Variants in HRH1 observed in about 807,000 individuals in gnomAD.
The protein encoded by HRH1 is histamine receptor H1, also known as histamine H1 receptor.
In HRH1, 6 loss-of-function variants were observed where a neutral mutation model predicts 10.3. The ratio of observed to expected loss-of-function variants is 0.58; its 90% CI spans 0.32 to 1.15. HRH1 has a LOEUF of 1.15. Among genes scored for constraint, HRH1 ranks in the 50% most tolerant of loss-of-function variants. The probability of loss-of-function intolerance (pLI) is 0.05; values close to 1 mark genes in which losing one functional copy is unlikely to be tolerated. For missense variants in HRH1, 514 were observed against 615.3 expected (o/e 0.84, Z 1.74); for synonymous variants, 242 against 236.7 (o/e 1.02, Z -0.21).
intron 1 of HRH1, among the ~76,000 whole-genome samples, chr3:11,232,062 G>T (rs1411972987): frequency 9.9e-5 from 15 of 151,356 alleles, no homozygotes; most frequent in Admixed American, 9.2e-4. Context: ...TGCAATCTTG[G>T]CTCACTGCAA....
chr3:11,172,795 A>G (rs992706041), intron 1 of HRH1, among the ~76,000 whole-genome samples: 1 of 143,872 alleles, frequency 7.0e-6, no homozygotes, highest in African/African-American at 2.7e-5. Context: ...TCCGCCTCCC[A>G]GGTTCACGCC....
At chr3:11,222,451 C>T (rs572547726) in intron 1 of HRH1, among the ~76,000 whole-genome samples, 11 of 152,274 alleles carry the variant, frequency 7.2e-5, no homozygotes, top group African/African-American at 2.6e-4. Flanking sequence ...AAATCTAGGG[C>T]GATTTGCCTA....
chr3:11,184,124 C>T (rs913802473), intron 1 of HRH1, among the ~76,000 whole-genome samples: 3 of 152,094 alleles, frequency 2.0e-5, no homozygotes, highest in Admixed American at 2.0e-4. Flanking sequence ...TTAAAAGTCC[C>T]CCAGTCTTGG....
At chr3:11,171,687 C>T (rs770132223) in intron 1 of HRH1, among the ~76,000 whole-genome samples, 1 of 152,214 alleles carries the variant, frequency 6.6e-6, no homozygotes, top group Non-Finnish European at 1.5e-5. Flanking sequence ...TTCAAACAGT[C>T]CAGGACCCCT....
chr3:11,171,110 T>G (rs138516344), intron 1 of HRH1, among the ~76,000 whole-genome samples: 11 of 141,130 alleles, frequency 7.8e-5, no homozygotes, highest in Admixed American at 4.1e-4. Context: ...GGTTTTGGGG[T>G]TTTTTTTCTT....
intron 1 of HRH1, among the ~76,000 whole-genome samples, chr3:11,206,754 C>T (rs952717462): frequency 2.0e-5 from 3 of 152,232 alleles, no homozygotes; most frequent in African/African-American, 7.2e-5. Context: ...GTTAAGCCTT[C>T]TATTCAACCT....
chr3:11,248,066 G>C (rs1479144892), intron 1 of HRH1, among the ~76,000 whole-genome samples: 1 of 152,106 alleles, frequency 6.6e-6, no homozygotes, highest in Non-Finnish European at 1.5e-5. Context: ...GCCTTGTAAG[G>C]CTTTTGTTAT....
chr3:11,222,109 G>T (rs1485680520), intron 1 of HRH1, among the ~76,000 whole-genome samples: 2 of 152,136 alleles, frequency 1.3e-5, no homozygotes, highest in Non-Finnish European at 2.9e-5. Context: ...TTCCAGTGAT[G>T]GTGTAGTTGT....
At chr3:11,245,773 C>T (rs1176628437) in intron 1 of HRH1, among the ~76,000 whole-genome samples, 1 of 152,130 alleles carries the variant, frequency 6.6e-6, no homozygotes, top group Non-Finnish European at 1.5e-5. Flanking sequence ...ACCAAGTAAT[C>T]GCAGAGCTTT....
intron 1 of HRH1, among the ~76,000 whole-genome samples, chr3:11,144,464 T>TACCTATAG (rs1291430171): frequency 0.02 from 2,953 of 148,896 alleles, 3 homozygotes; most frequent in African/African-American, 0.042. Flanking sequence ...TAGGTATATA[T>TACCTATAG]ACATATAGAC....
At chr3:11,149,245 A>G (rs919760655) in intron 1 of HRH1, among the ~76,000 whole-genome samples, 1 of 152,190 alleles carries the variant, frequency 6.6e-6, no homozygotes, top group African/African-American at 2.4e-5. Flanking sequence ...ATTTTTAAAA[A>G]CCAGCCAGAG....
intron 1 of HRH1, among the ~76,000 whole-genome samples, chr3:11,161,666 G>A (rs1324989433): frequency 6.6e-6 from 1 of 152,208 alleles, no homozygotes; most frequent in Non-Finnish European, 1.5e-5. Flanking sequence ...CCTTTGAATG[G>A]AACGGCTTTC....
At chr3:11,201,011 T>A (rs1937884240) in intron 1 of HRH1, among the ~76,000 whole-genome samples, 1 of 152,220 alleles carries the variant, frequency 6.6e-6, no homozygotes, top group Non-Finnish European at 1.5e-5. Flanking sequence ...TAGATCCCTT[T>A]GAGGGCCTCT....
intron 1 of HRH1, among the ~76,000 whole-genome samples, chr3:11,230,405 A>G (rs543654178): frequency 7.2e-5 from 11 of 152,334 alleles, no homozygotes; most frequent in South Asian, 6.2e-4. Flanking sequence ...AAACAGAGTC[A>G]TCGGCACCAG....
chr3:11,244,043 G>T (rs917730983), intron 1 of HRH1, among the ~76,000 whole-genome samples: 1 of 152,204 alleles, frequency 6.6e-6, no homozygotes. Flanking sequence ...CCATGAAATA[G>T]ACGTGAGGTC....
chr3:11,198,154 T>C (rs1394132227), intron 1 of HRH1, among the ~76,000 whole-genome samples: 1 of 152,194 alleles, frequency 6.6e-6, no homozygotes, highest in Non-Finnish European at 1.5e-5. Context: ...TGTGAGGTTC[T>C]AACAGCTGCA....
intron 1 of HRH1, among the ~76,000 whole-genome samples, chr3:11,225,091 G>A (rs1021523702): frequency 6.6e-6 from 1 of 152,198 alleles, no homozygotes; most frequent in African/African-American, 2.4e-5. Context: ...AGGGGGAGCA[G>A]GGCCAGGAGA....
rs76634385 is a variant in HRH1, at chr3:11,161,672, C to T, written c.-36+7118C>T. Among the ~76,000 whole-genome samples the T allele has an allele frequency of 1.8e-3, 273 of 152,326 alleles. 7 individuals carry two copies. The East Asian group carries it at 0.045, about 25-fold the overall frequency. The stretch of plus-strand genomic sequence containing the variant: ...GCTCACAAACCTTTGAATGGAACGG[C>T]TTTCCAGGCATCTTGAAAGTGGTAA... On this transcript the variant is annotated intron_variant, in intron 1 of 1. Transcript: ENST00000431010.
intron 1 of HRH1, among the ~76,000 whole-genome samples, chr3:11,195,812 C>T (rs1460244483): frequency 1.3e-5 from 2 of 152,236 alleles, no homozygotes; most frequent in African/African-American, 4.8e-5. Context: ...GACCACCCCC[C>T]ATCCCATGCT....
Sources: gnomAD v4.1 joint callset for allele counts (sites outside exome capture counted in the v4.1 genomes callset) on GRCh38, gnomAD v4.1.1 for gene constraint, MANE v1.5 for transcripts, NCBI Gene and HGNC (gene_info 2026-07-23, HGNC 2026-07-21) for gene names.